Variants in BMP7 observed in about 807,000 individuals in gnomAD.
BMP7 encodes osteogenic protein 1.
Under a neutral mutation model 41.2 loss-of-function variants are expected in BMP7, and 12 were observed. The ratio of observed to expected loss-of-function variants is 0.29; its 90% confidence interval spans 0.19 to 0.47. The LOEUF (loss-of-function observed/expected upper bound fraction) is 0.47. BMP7 is among the 20% of genes least tolerant of loss of function. The pLI is 0.99. For missense variants in BMP7, 467 were observed against 606.0 expected, an observed-to-expected ratio of 0.77 and a Z score of 2.41; for synonymous variants, 248 against 250.0, an observed-to-expected ratio of 0.99 and a Z score of 0.07.
chr20:57,221,217 T>A (rs1397328201), intron 2 of BMP7, among the ~76,000 whole-genome samples: 1 of 152,158 alleles, frequency 6.6e-6, no homozygotes, highest in African/African-American at 2.4e-5. Flanking sequence ...GTCCACATGC[T>A]GTCCAAGTCC....
chr20:57,264,709 C>G (rs1391408275), intron 1 of BMP7, among the ~76,000 whole-genome samples: 1 of 152,122 alleles, frequency 6.6e-6, no homozygotes, highest in South Asian at 2.1e-4. Flanking sequence ...TCTGCCGGCC[C>G]GGGACCTACC....
intron 2 of BMP7, among the ~76,000 whole-genome samples, chr20:57,208,766 G>A (rs1984803626): frequency 6.6e-6 from 1 of 152,180 alleles, no homozygotes; most frequent in African/African-American, 2.4e-5. Flanking sequence ...ATGAAGTTCT[G>A]ATAAAGGCTA....
intron 1 of BMP7, among the ~76,000 whole-genome samples, chr20:57,239,983 A>T (rs780780852): frequency 3.3e-5 from 5 of 152,224 alleles, no homozygotes; most frequent in Non-Finnish European, 4.4e-5. Context: ...GGTCTCTGAC[A>T]TGGCCTGGAG....
At chr20:57,257,414 T>C (rs1200830868) in intron 1 of BMP7, among the ~76,000 whole-genome samples, 1 of 152,204 alleles carries the variant, frequency 6.6e-6, no homozygotes, top group Non-Finnish European at 1.5e-5. Context: ...ATATTGTTAA[T>C]TAAAATTGTG....
chr20:57,189,095 ACTT>A (rs1984290374), intron 3 of BMP7, among the ~76,000 whole-genome samples: 1 of 152,224 alleles, frequency 6.6e-6, no homozygotes, highest in Non-Finnish European at 1.5e-5. Context: ...GGAGGGGACA[ACTT>A]CTTCCAACAG....
At chr20:57,188,388 C>T (rs1412643207) in intron 3 of BMP7, among the ~76,000 whole-genome samples, 1 of 152,086 alleles carries the variant, frequency 6.6e-6, no homozygotes, top group East Asian at 1.9e-4. Context: ...TATGAAATGT[C>T]CGGAACAGGT....
At chr20:57,202,743 C>T (rs542289543) in intron 2 of BMP7, 120 bp from the exon 3 acceptor site, 75 of 1,232,828 alleles carry the variant, frequency 6.1e-5, no homozygotes, top group African/African-American at 4.2e-4. Context: ...CACTGGTCCC[C>T]GACAAGTGGG....
chr20:57,207,904 A>G (rs1600623578), intron 2 of BMP7, among the ~76,000 whole-genome samples: 1 of 140,342 alleles, frequency 7.1e-6, no homozygotes, highest in African/African-American at 2.7e-5. Flanking sequence ...ATCTCGGCTC[A>G]CTGCAAGCTC....
chr20:57,196,968 C>T (rs1368055993), intron 3 of BMP7, among the ~76,000 whole-genome samples: 1 of 151,636 alleles, frequency 6.6e-6, no homozygotes, highest in African/African-American at 2.4e-5. Flanking sequence ...GTAGTATGAT[C>T]TCGGTTCACT....
At chr20:57,175,122 TG>T in intron 4 of BMP7, 115 bp from the exon 5 acceptor site, 1 of 1,131,964 alleles carries the variant, frequency 8.8e-7, no homozygotes, top group Non-Finnish European at 1.3e-6. Context: ...CACAGACGGC[TG>T]GGGGGTAAAT....
At chr20:57,210,562 C>T (rs6123677) in intron 2 of BMP7, among the ~76,000 whole-genome samples, 61,846 of 152,150 alleles carry the variant, frequency 0.41, 14,503 homozygotes, top group South Asian at 0.56. Context: ...CCGGCCTCAG[C>T]GCAAACACAG....
intron 1 of BMP7, among the ~76,000 whole-genome samples, chr20:57,236,896 A>G (rs760897222): frequency 2.0e-5 from 3 of 152,196 alleles, no homozygotes; most frequent in Non-Finnish European, 2.9e-5. Flanking sequence ...TCTCCCAGCC[A>G]GGGCTGGAAA....
At chr20:57,210,330 C>T (rs1262990288) in intron 2 of BMP7, among the ~76,000 whole-genome samples, 1 of 152,244 alleles carries the variant, frequency 6.6e-6, no homozygotes, top group Admixed American at 6.5e-5. Flanking sequence ...AGGAACCGCA[C>T]ATCCCCAGGC....
intron 1 of BMP7, among the ~76,000 whole-genome samples, chr20:57,237,292 C>A (rs1304367294): frequency 6.6e-6 from 1 of 152,160 alleles, no homozygotes; most frequent in Non-Finnish European, 1.5e-5. Context: ...TTTTCACAGA[C>A]CCGAGGACTG....
At position 57,266,158 on chromosome 20, in the gene BMP7, C is replaced by A; in HGVS notation, c.-36G>T. 1 of 1,495,496 alleles carries A rather than the reference C, an allele frequency of 6.7e-7. No homozygotes were observed. Among genetic ancestry groups the A allele is most frequent in the Non-Finnish European group, 8.9e-7 (1 of 1,128,308 alleles). The allele number at this position is 1,495,496 out of a possible 1,614,324, so 92.6% of individuals were successfully genotyped here. ...CTACGCGCTACCCGGGCTCCGGGCT[C>A]CGGGCCCGCACCGCCCCAGGTGGCA... On this transcript the variant is annotated 5_prime_UTR_variant, in exon 1 of 7. Transcript: ENST00000395863.
chr20:57,219,319 A>T (rs1269358420), intron 2 of BMP7, among the ~76,000 whole-genome samples: 9 of 125,786 alleles, frequency 7.2e-5, no homozygotes, highest in African/African-American at 4.7e-4. Context: ...GGAAGGTGGG[A>T]AGAAGACAGG....
chr20:57,260,651 A>G (rs1438497996), intron 1 of BMP7, among the ~76,000 whole-genome samples: 1 of 152,238 alleles, frequency 6.6e-6, no homozygotes. Flanking sequence ...TGGGACTTAA[A>G]TCTTTTATAA....
At position 57,265,861 on chromosome 20, in the gene BMP7, T is replaced by G. The variant is rs1246899956; in HGVS notation, c.262A>C (p.Asn88His). Residue 88 changes from asparagine to histidine, a missense_variant, in exon 1 of 7, where the codon AAC (asparagine) becomes CAC (histidine). Asn to His is a moderately conservative substitution (Grantham distance 68). This residue lies in a region of BMP7 where 407 missense variants were observed against 485.9 expected (regional missense o/e 0.84). Transcript: ENST00000395863. Reference protein sequence around the residue: ...SAPMFMLDLYNAMAVEEGGGP... With the variant: ...SAPMFMLDLYHAMAVEEGGGP... Reference sequence around the variant, plus strand: ...CCGCCCTCCTCCACCGCCATGGCGTTGTACAGGTCCAGCATGAACATGGGT... The same window carrying G: ...CCGCCCTCCTCCACCGCCATGGCGTGGTACAGGTCCAGCATGAACATGGGT... 2.4e-5 allele frequency: 38 copies of G among 1,606,746 alleles called. No individual in the cohort carries two copies. Among genetic ancestry groups the G allele is most frequent in the Non-Finnish European group, 3.1e-5 (37 of 1,177,018 alleles).
At chr20:57,238,539 A>T (rs563790212) in intron 1 of BMP7, among the ~76,000 whole-genome samples, 1 of 152,282 alleles carries the variant, frequency 6.6e-6, no homozygotes, top group South Asian at 2.1e-4. Context: ...TCTGTTTTCC[A>T]TAGTGGCTAC....
Sources: gnomAD v4.1 joint callset for allele counts (sites outside exome capture counted in the v4.1 genomes callset) on GRCh38, gnomAD v4.1.1 for gene constraint, gnomAD v4.1.1 regional missense constraint, MANE v1.5 for transcripts, NCBI Gene and HGNC (gene_info 2026-07-23, HGNC 2026-07-21) for gene names.